The following CSMD1 variants were observed in gnomAD, a reference collection of about 807,000 sequenced individuals.
The protein encoded by CSMD1 is CUB and sushi domain-containing protein 1.
In CSMD1, 213 loss-of-function variants were observed where a neutral mutation model predicts 417.5. The ratio of observed to expected loss-of-function variants is 0.51; its 90% CI spans 0.46 to 0.57. The LOEUF is 0.57. Ranked by LOEUF, CSMD1 falls within the 20% of genes least tolerant of loss-of-function variation. The probability of loss-of-function intolerance (pLI) is 0.00; values close to 1 mark genes in which losing one functional copy is unlikely to be tolerated. For synonymous variants in CSMD1, 2,862 were observed against 1,736.8 expected, an observed-to-expected ratio of 1.65 and a Z score of -16.11; for missense variants, 6,923 against 4,529.7, an observed-to-expected ratio of 1.53 and a Z score of -15.17.
intron 3 of CSMD1, among the ~76,000 whole-genome samples, chr8:4,418,859 C>T (rs758960934): frequency 3.9e-5 from 6 of 152,104 alleles, no homozygotes; most frequent in Non-Finnish European, 1.5e-5. Flanking sequence ...TGCACAAATG[C>T]GGTGGCATGA....
intron 26 of CSMD1, among the ~76,000 whole-genome samples, chr8:3,262,911 G>A (rs930087293): frequency 1.3e-5 from 2 of 152,144 alleles, no homozygotes; most frequent in Non-Finnish European, 2.9e-5. Context: ...TTCATTGCAA[G>A]AGAAAACTCA....
intron 26 of CSMD1, among the ~76,000 whole-genome samples, chr8:3,266,879 T>C (rs1801473883): frequency 6.6e-6 from 1 of 151,504 alleles, no homozygotes; most frequent in African/African-American, 2.4e-5. Context: ...GTGATGAGTG[T>C]AGAAACACAA....
chr8:4,874,045 T>C (rs1802893319), intron 1 of CSMD1, among the ~76,000 whole-genome samples: 1 of 152,164 alleles, frequency 6.6e-6, no homozygotes. Context: ...TCTATCTGTG[T>C]GTCATCTACC....
chr8:3,385,667 A>G (rs551328339), intron 18 of CSMD1, among the ~76,000 whole-genome samples: 1 of 152,268 alleles, frequency 6.6e-6, no homozygotes, highest in Non-Finnish European at 1.5e-5. Context: ...GGTTCTCTGT[A>G]TATTTATGAA....
intron 3 of CSMD1, among the ~76,000 whole-genome samples, chr8:4,075,360 G>C (rs1001023053): frequency 5.3e-4 from 81 of 151,984 alleles, no homozygotes; most frequent in African/African-American, 1.8e-3. Flanking sequence ...ATGAAGTGCT[G>C]AATTTTTTTT....
At chr8:3,344,122 A>G (rs1423725931) in intron 22 of CSMD1, among the ~76,000 whole-genome samples, 1 of 152,230 alleles carries the variant, frequency 6.6e-6, no homozygotes, top group Non-Finnish European at 1.5e-5. Flanking sequence ...AAGGAAGACA[A>G]GGCTTGGTTT....
At position 3,369,275 on chromosome 8, in the gene CSMD1, T is replaced by C; in HGVS notation, c.2878A>G (p.Ile960Val). The change falls in exon 19 of 70, where the codon ATT (isoleucine) becomes GTT (valine). Residue 960 changes from isoleucine (I) to valine (V), a missense_variant. By Grantham distance (29) the Ile-to-Val change is conservative. Transcript: ENST00000635120. ...TTACCTTTCCCATGAGACACTTCAA[T>C]GGTCCACGTGCAGTTTAGAGAGTTT... ...YPNSLNCTWT[I>V]EVSHGKGVQM... 2.5e-6 allele frequency: 4 copies of C among 1,572,910 alleles called. No homozygotes were observed. The highest frequency in any genetic ancestry group is 3.5e-6 in the Non-Finnish European group (4 of 1,143,164).
chr8:4,343,560 A>G (rs1238312443), intron 3 of CSMD1, among the ~76,000 whole-genome samples: 3 of 152,292 alleles, frequency 2.0e-5, no homozygotes, highest in East Asian at 3.9e-4. Context: ...TGTCAATTAT[A>G]TATCAATAGA....
chr8:4,966,511 G>T (rs1255921940), intron 1 of CSMD1, among the ~76,000 whole-genome samples: 2 of 152,190 alleles, frequency 1.3e-5, no homozygotes, highest in Non-Finnish European at 2.9e-5. Flanking sequence ...TTAAGGGGCT[G>T]CAGACATCTG....
intron 9 of CSMD1, 146 bp from the exon 10 acceptor site, chr8:3,575,212 A>G: frequency 1.2e-6 from 1 of 837,968 alleles, no homozygotes; most frequent in South Asian, 1.9e-5. Flanking sequence ...CAACTGGGGC[A>G]TGGACTCCAG....
intron 38 of CSMD1, among the ~76,000 whole-genome samples, chr8:3,159,952 G>C (rs1819780289): frequency 6.6e-6 from 1 of 152,134 alleles, no homozygotes; most frequent in African/African-American, 2.4e-5. Flanking sequence ...ACATCGATGA[G>C]CAAGAGCAAA....
intron 1 of CSMD1, among the ~76,000 whole-genome samples, chr8:4,911,310 G>A (rs1053332462): frequency 1.3e-5 from 2 of 152,174 alleles, no homozygotes; most frequent in Non-Finnish European, 2.9e-5. Flanking sequence ...ATCAGGTGCT[G>A]AGAGAATAAC....
chr8:4,059,187 T>G (rs1189540182), intron 3 of CSMD1, among the ~76,000 whole-genome samples: 2 of 152,188 alleles, frequency 1.3e-5, no homozygotes, highest in Non-Finnish European at 2.9e-5. Flanking sequence ...TGCTGCTGAA[T>G]GACTACTGGG....
At chr8:3,876,692 C>G (rs569126524) in intron 5 of CSMD1, among the ~76,000 whole-genome samples, 1 of 152,310 alleles carries the variant, frequency 6.6e-6, no homozygotes, top group Admixed American at 6.5e-5. Context: ...GCACTGTAGC[C>G]TTGACTTCCC....
rs1802950392 is a variant in CSMD1, at chr8:3,284,070, T to A, written c.4153+74A>T. On this transcript the variant is annotated intron_variant, in intron 26 of 69. Coordinates refer to ENST00000635120, the MANE Select transcript of CSMD1 (RefSeq NM_033225.6). ...CTGTGTAAGGAGACGCTGGTGAATA[T>A]AAATGGAGGGAGATCTGTGTTCATG... 2.5e-6 allele frequency: 3 copies of A among 1,212,242 alleles called. No individual in the cohort carries two copies. In the South Asian group the frequency reaches 3.9e-5, roughly 16 times the overall value. The allele number at this position is 1,212,242 out of a possible 1,614,324, so 75.1% of individuals were successfully genotyped here.
intron 3 of CSMD1, among the ~76,000 whole-genome samples, chr8:4,195,822 G>A (rs536329679): frequency 4.6e-5 from 7 of 152,146 alleles, no homozygotes; most frequent in Non-Finnish European, 8.8e-5. Flanking sequence ...CCTCAAGCCT[G>A]TAGATGAGGA....
Position 4,177,143 on chromosome 8 carries a change from C to T in CSMD1, c.416-145044G>A, listed in dbSNP as rs1279473655. Among the ~76,000 whole-genome samples, 5 of 152,150 alleles carry T rather than the reference C, an allele frequency of 3.3e-5. No homozygotes were observed. In the East Asian group the frequency reaches 9.6e-4, roughly 29 times the overall value. On this transcript the variant is annotated intron_variant, in intron 3 of 69. Coordinates refer to ENST00000635120, the MANE Select transcript of CSMD1 (RefSeq NM_033225.6). The stretch of plus-strand genomic sequence containing the variant: ...AGAATATACATGTTTTTCAGCACCA[C>T]ACCACACCTATTCCAAAATTGACCA...
chr8:3,294,164 G>A (rs1384008739), intron 25 of CSMD1, among the ~76,000 whole-genome samples: 1 of 152,202 alleles, frequency 6.6e-6, no homozygotes, highest in African/African-American at 2.4e-5. Context: ...AGCAAATGCT[G>A]CTGTCTGATC....
At chr8:4,334,923 C>A (rs1800083419) in intron 3 of CSMD1, among the ~76,000 whole-genome samples, 1 of 152,096 alleles carries the variant, frequency 6.6e-6, no homozygotes, top group Non-Finnish European at 1.5e-5. Flanking sequence ...TTTCTACCCC[C>A]ACAGATGCTG....
Sources: gnomAD v4.1 joint callset for allele counts (sites outside exome capture counted in the v4.1 genomes callset) on GRCh38, gnomAD v4.1.1 for gene constraint, MANE v1.5 for transcripts, NCBI Gene and HGNC (gene_info 2026-07-23, HGNC 2026-07-21) for gene names.